The following RBM33 variants were observed in gnomAD, a reference collection of about 807,000 sequenced individuals.
RBM33 encodes the protein RNA-binding protein 33.
RBM33 carries 28 observed loss-of-function variants against 132.6 expected under a neutral mutation model. The ratio of observed to expected loss-of-function variants is 0.21; its 90% CI spans 0.16 to 0.29. The LOEUF (loss-of-function observed/expected upper bound fraction) is 0.29, where lower values mean the gene tolerates loss of function less well. RBM33 is among the 10% of genes least tolerant of loss of function. The pLI, the probability that RBM33 is intolerant of heterozygous loss-of-function variation, is 1.00. For missense variants in RBM33, 1,291 were observed against 1,518.5 expected (o/e 0.85, Z 2.49); for synonymous variants, 634 against 593.0 (o/e 1.07, Z -1.01).
rs888287183 is a variant in RBM33 at position 155,777,127 on chromosome 7, T to C, written c.*2086T>C. On this transcript the variant is annotated 3_prime_UTR_variant, in exon 18 of 18. Coordinates refer to ENST00000401878, the MANE Select transcript of RBM33 (RefSeq NM_053043.3). Reference sequence around the variant, plus strand: ...AAATATGCATGTTGTCTCTGAAAAGTAGGCATTGAAACAGACTTTTTTGTA... The same window carrying C: ...AAATATGCATGTTGTCTCTGAAAAGCAGGCATTGAAACAGACTTTTTTGTA... 1.3e-5 allele frequency: 2 copies of C among 152,508 alleles called. No homozygotes were observed. The highest frequency in any genetic ancestry group is 2.4e-5 in the African/African-American group (1 of 41,384). The allele number at this position is 152,508 out of a possible 1,614,324, so 9.4% of individuals were successfully genotyped here. A position where few individuals can be genotyped will look rare whatever the true frequency, so the allele number is the denominator to read the frequency against.
chr7:155,661,095 GTGGTGTGTGT>G lies in RBM33; in HGVS notation c.44-4079_44-4070del, dbSNP rs1232307083. On this transcript the variant is annotated intron_variant, in intron 1 of 17. Transcript: ENST00000401878. ...TTAAAAATAATTTCTGTGTGTGTGTGTGGTGTGTGTGTGTGTGTGTGTGTGTGTGTGTGTG... is the reference window on the plus strand; with the variant it reads ...TTAAAAATAATTTCTGTGTGTGTGTGGTGTGTGTGTGTGTGTGTGTGTGTG... 3.7e-3 allele frequency among the ~76,000 whole-genome samples: 500 copies of G among 134,272 alleles called. 4 individuals are homozygous for G. The highest frequency in any genetic ancestry group is 0.014 in the African/African-American group (482 of 34,422). 88.1% of individuals were successfully genotyped at this position (134,272 alleles called of 152,430 possible).
chr7:155,709,713 T>C (rs1370962640), intron 7 of RBM33, among the ~76,000 whole-genome samples: 1 of 152,204 alleles, frequency 6.6e-6, no homozygotes, highest in East Asian at 1.9e-4. Context: ...GTCTGTGGGA[T>C]ACAATGGTGA....
At chr7:155,733,350 G>A (rs1028166728) in intron 9 of RBM33, among the ~76,000 whole-genome samples, 3 of 116,578 alleles carry the variant, frequency 2.6e-5, no homozygotes, top group Non-Finnish European at 5.4e-5. Context: ...TTATTATGTC[G>A]TGAATAAAAT....
In RBM33 at chr7:155,739,945, G is replaced by C; in HGVS notation, c.1968G>C (p.Gln656His). The change falls in exon 12 of 18, where the codon CAG becomes CAC. Residue 656 changes from glutamine (Q) to histidine (H), a missense_variant. Coordinates refer to ENST00000401878, the MANE Select transcript of RBM33 (RefSeq NM_053043.3). ...CTTTGATGCCGATGTCTCAGCCACA[G>C]TTCCGGCCTCACGTACAGACCGCTC... is the stretch of plus-strand genomic sequence containing the variant. ...PPPLMPMSQP[Q>H]FRPHVQTAQP... is the part of the protein sequence containing the mutation. 1 of 1,554,886 alleles carries C rather than the reference G, an allele frequency of 6.4e-7. No homozygotes were observed. The highest frequency in any genetic ancestry group is 8.7e-7 in the Non-Finnish European group (1 of 1,148,822).
rs572154418 is a variant in RBM33 at position 155,680,630 on chromosome 7, A to G, written c.289A>G (p.Met97Val). Residue 97 changes from methionine to valine, a missense_variant, in exon 5 of 18, where the codon ATG becomes GTG. Transcript: ENST00000401878. ...VTISLNATSG[M>V]VTSFELSDNT... ...AATTAGTCTGAATGCTACATCTGGC[A>G]TGGTTACATCATTTGAACTCTCTGA... The G allele has an allele frequency of 2.1e-5, 33 of 1,606,862 alleles. No individual in the cohort carries two copies. In the South Asian group the frequency reaches 2.9e-4, roughly 14 times the overall value.
At chr7:155,759,800 T>C (rs1008150252) in intron 14 of RBM33, among the ~76,000 whole-genome samples, 4 of 152,162 alleles carry the variant, frequency 2.6e-5, no homozygotes, top group Admixed American at 2.0e-4. Flanking sequence ...TGCCACCTAT[T>C]GTTGTTAAAG....
intron 9 of RBM33, among the ~76,000 whole-genome samples, chr7:155,733,736 A>G (rs1292893797): frequency 1.3e-5 from 2 of 152,188 alleles, no homozygotes; most frequent in Non-Finnish European, 2.9e-5. Context: ...GCTCAGCTAT[A>G]AAAGTCTGTG....
At chr7:155,711,564 AG>A in intron 8 of RBM33, 109 bp downstream of exon 8, 1 of 620,496 alleles carries the variant, frequency 1.6e-6, no homozygotes, top group Non-Finnish European at 2.6e-6. Flanking sequence ...GTGTGAAAGC[AG>A]TATGCGTTCA....
intron 5 of RBM33, among the ~76,000 whole-genome samples, chr7:155,692,003 A>G (rs1341755294): frequency 6.6e-6 from 1 of 150,438 alleles, no homozygotes; most frequent in Non-Finnish European, 1.5e-5. Context: ...GTGAGCTGTG[A>G]TTGCGCCACT....
intron 2 of RBM33, among the ~76,000 whole-genome samples, chr7:155,672,019 CT>C (rs1252689308): frequency 3.3e-5 from 5 of 152,084 alleles, no homozygotes; most frequent in Admixed American, 2.0e-4. Context: ...TTGCAAATCA[CT>C]GATACGACAT....
intron 8 of RBM33, among the ~76,000 whole-genome samples, chr7:155,714,605 G>T (rs911565625): frequency 6.6e-6 from 1 of 152,204 alleles, no homozygotes; most frequent in Non-Finnish European, 1.5e-5. Context: ...GTTAGATCAA[G>T]AAGGAGCCCT....
At chr7:155,750,162 C>A (rs557610444) in intron 14 of RBM33, among the ~76,000 whole-genome samples, 2 of 152,316 alleles carry the variant, frequency 1.3e-5, no homozygotes, top group African/African-American at 4.8e-5. Context: ...AATTATATTT[C>A]ATGGAATGGT....
chr7:155,658,597 C>T (rs1199734525), intron 1 of RBM33, among the ~76,000 whole-genome samples: 3 of 152,128 alleles, frequency 2.0e-5, no homozygotes, highest in African/African-American at 4.8e-5. Flanking sequence ...GACGGGGTTT[C>T]ACCATCTTGG....
chr7:155,748,989 G>A (rs1210349755), intron 14 of RBM33, among the ~76,000 whole-genome samples: 1 of 152,152 alleles, frequency 6.6e-6, no homozygotes, highest in Non-Finnish European at 1.5e-5. Flanking sequence ...AGAGATTGGA[G>A]CCTTTCTCTA....
At chr7:155,705,453 A>C (rs896947213) in intron 6 of RBM33, among the ~76,000 whole-genome samples, 10 of 152,206 alleles carry the variant, frequency 6.6e-5, no homozygotes, top group Admixed American at 6.5e-4. Context: ...TTTTCTTTCA[A>C]ATGGGGTCTA....
intron 9 of RBM33, among the ~76,000 whole-genome samples, chr7:155,732,308 G>A (rs1585501145): frequency 2.6e-5 from 4 of 152,146 alleles, no homozygotes; most frequent in Admixed American, 2.6e-4. Context: ...GCTGATTTCC[G>A]GCTGTTAATA....
At chr7:155,696,793 C>T (rs552369877) in intron 5 of RBM33, among the ~76,000 whole-genome samples, 2 of 152,296 alleles carry the variant, frequency 1.3e-5, no homozygotes, top group Admixed American at 1.3e-4. Flanking sequence ...CATAACCCAT[C>T]GTTGTCTCTC....
intron 1 of RBM33, among the ~76,000 whole-genome samples, chr7:155,662,493 G>C (rs1360733566): frequency 6.6e-6 from 1 of 151,984 alleles, no homozygotes; most frequent in Non-Finnish European, 1.5e-5. Flanking sequence ...GAGCACTCTT[G>C]TTCTAAATGT....
chr7:155,683,930 A>C (rs905631083), intron 5 of RBM33, among the ~76,000 whole-genome samples: 1 of 152,196 alleles, frequency 6.6e-6, no homozygotes, highest in Non-Finnish European at 1.5e-5. Flanking sequence ...TGCATTGTAC[A>C]CTGGCTGAAG....
Sources: gnomAD v4.1 joint callset for allele counts (sites outside exome capture counted in the v4.1 genomes callset) on GRCh38, gnomAD v4.1.1 for gene constraint, MANE v1.5 for transcripts, NCBI Gene and HGNC (gene_info 2026-07-23, HGNC 2026-07-21) for gene names.